Variants in IQGAP2 observed in about 807,000 individuals in gnomAD.
The protein encoded by IQGAP2 is IQ motif containing GTPase activating protein 2.
IQGAP2 carries 173 observed loss-of-function variants against 201.3 expected under a neutral mutation model. That is an observed-to-expected ratio of 0.86 (90% confidence interval 0.76 to 0.98). The LOEUF is 0.98. Among genes scored for constraint, IQGAP2 ranks in the 50% least tolerant of loss-of-function variants. The pLI, the probability that IQGAP2 is intolerant of heterozygous loss-of-function variation, is 0.00. For synonymous variants in IQGAP2, 675 were observed against 673.9 expected (o/e 1.00, Z -0.03); for missense variants, 1,687 against 1,864.8 (o/e 0.90, Z 1.76).
chr5:76,676,246 A>C (rs1744810598), intron 27 of IQGAP2, among the ~76,000 whole-genome samples: 1 of 152,238 alleles, frequency 6.6e-6, no homozygotes, highest in Non-Finnish European at 1.5e-5. Flanking sequence ...AGCCTCTTCT[A>C]AACTTGTCCT....
intron 9 of IQGAP2, among the ~76,000 whole-genome samples, chr5:76,593,568 A>G (rs190819015): frequency 1.2e-3 from 186 of 152,314 alleles, no homozygotes; most frequent in African/African-American, 4.1e-3. Flanking sequence ...GTTGAGATAC[A>G]TCAATTTTTT....
At chr5:76,647,231 A>G (rs888880365) in intron 17 of IQGAP2, among the ~76,000 whole-genome samples, 3 of 152,220 alleles carry the variant, frequency 2.0e-5, no homozygotes, top group African/African-American at 7.2e-5. Flanking sequence ...AGTGAAGAGA[A>G]AAAAGTCAGA....
At position 76,699,952 on chromosome 5, in the gene IQGAP2, G is replaced by GCT. The variant is rs1297162498; in HGVS notation, c.4368-1113_4368-1112dup. ...CTCTCTCTCTCTCTCTCACTCTCGT[G>GCT]CTCTCTCTCTCTATATATATATATA... is the stretch of plus-strand genomic sequence containing the variant. On this transcript the variant is annotated intron_variant, in intron 33 of 35. Transcript: ENST00000274364. Among the ~76,000 whole-genome samples, 7 of 59,998 alleles carry GCT rather than the reference G, an allele frequency of 1.2e-4. 2 individuals carry two copies. Among genetic ancestry groups the GCT allele is most frequent in the Admixed American group, 5.3e-4 (3 of 5,706 alleles). 39.4% of individuals were successfully genotyped at this position (59,998 alleles called of 152,430 possible).
chr5:76,671,688 GGAAA>G, intron 23 of IQGAP2, 67 bp from the exon 24 acceptor site: 1 of 989,412 alleles, frequency 1.0e-6, no homozygotes, highest in Non-Finnish European at 1.5e-6. Flanking sequence ...ACTGTCTCGG[GGAAA>G]AAAAAAAAAA....
At position 76,707,413 on chromosome 5, in the gene IQGAP2, A is replaced by ATAT; in HGVS notation, c.*100_*101insTAT. On this transcript the variant is annotated 3_prime_UTR_variant, in exon 36 of 36. Coordinates refer to ENST00000274364, the MANE Select transcript of IQGAP2 (RefSeq NM_006633.5). The stretch of plus-strand genomic sequence containing the variant: ...AACATGATTGAAATCACTGCTTATA[A>ATAT]ATGTGTGATTTTTTTAAAACGACCA... 1.5e-6 allele frequency: 1 copy of ATAT among 677,750 alleles called. No individual in the cohort carries two copies. Among genetic ancestry groups the ATAT allele is most frequent in the South Asian group, 1.7e-5 (1 of 60,508 alleles). 42.0% of individuals were successfully genotyped at this position (677,750 alleles called of 1,614,324 possible).
In IQGAP2 at chr5:76,606,262, GT is replaced by G; in HGVS notation, c.1317del (p.Cys439Ter). 6.2e-7 allele frequency: 1 copy of G among 1,604,320 alleles called. No individual in the cohort carries two copies. Among genetic ancestry groups the G allele is most frequent in the Non-Finnish European group, 8.5e-7 (1 of 1,174,602 alleles). ...DNLSWNEIQN[C>X]IDMVNAQIQE... ...TTAAGCTGGAATGAAATTCAGAATT[GT>G]ATTGATATGGTTAATGCTCAAATTC... On this transcript the variant is annotated frameshift_variant, in exon 12 of 36. Coordinates refer to ENST00000274364, the MANE Select transcript of IQGAP2 (RefSeq NM_006633.5). LOFTEE classifies it high-confidence loss of function.
intron 1 of IQGAP2, among the ~76,000 whole-genome samples, chr5:76,438,035 G>GTTTTTTTTTTTTTGTT (rs71604291): frequency 1.5e-5 from 1 of 68,602 alleles, no homozygotes; most frequent in Non-Finnish European, 2.7e-5. Context: ...TTTTTTGTTT[G>GTTTTTTTTTTTTTGTT]TTTTTTTTTT....
chr5:76,461,377 A>T (rs1754442979), intron 1 of IQGAP2, among the ~76,000 whole-genome samples, 193 bp from the exon 2 acceptor site: 2 of 150,868 alleles, frequency 1.3e-5, no homozygotes, highest in African/African-American at 2.5e-5. Flanking sequence ...CAAAAAAAAA[A>T]AAAATAAAAA....
intron 2 of IQGAP2, among the ~76,000 whole-genome samples, chr5:76,469,378 A>G (rs921132349): frequency 1.3e-5 from 2 of 152,142 alleles, no homozygotes; most frequent in South Asian, 4.2e-4. Context: ...TTACGTATAG[A>G]TGTTAAGACT....
chr5:76,694,744 G>C (rs1052430548), intron 31 of IQGAP2, among the ~76,000 whole-genome samples: 6 of 152,180 alleles, frequency 3.9e-5, no homozygotes, highest in African/African-American at 1.4e-4. Context: ...CTAACTAATA[G>C]TCGTTTCCTT....
chr5:76,489,106 G>A (rs1349038467), intron 2 of IQGAP2, among the ~76,000 whole-genome samples: 1 of 152,140 alleles, frequency 6.6e-6, no homozygotes, highest in Non-Finnish European at 1.5e-5. Context: ...GCTTGACACA[G>A]CCTTGTCTTC....
chr5:76,598,499 T>C (rs1347692641), intron 10 of IQGAP2, among the ~76,000 whole-genome samples: 3 of 152,114 alleles, frequency 2.0e-5, no homozygotes, highest in Admixed American at 6.5e-5. Flanking sequence ...GTAAAAAATA[T>C]ATAAATTAAA....
intron 2 of IQGAP2, among the ~76,000 whole-genome samples, chr5:76,531,903 C>T (rs1422817542): frequency 1.3e-5 from 2 of 152,168 alleles, no homozygotes; most frequent in Admixed American, 6.5e-5. Context: ...AAGATCAAGA[C>T]ATTGGTAGAT....
intron 15 of IQGAP2, 106 bp from the exon 16 acceptor site, chr5:76,636,928 A>G: frequency 2.2e-6 from 2 of 925,072 alleles, no homozygotes; most frequent in Non-Finnish European, 3.1e-6. Context: ...GGCTGTCTGA[A>G]GGTTTGGTGA....
At chr5:76,579,173 A>G (rs1433770872) in intron 5 of IQGAP2, among the ~76,000 whole-genome samples, 2 of 152,142 alleles carry the variant, frequency 1.3e-5, no homozygotes, top group African/African-American at 4.8e-5. Flanking sequence ...ATTCTGTAAG[A>G]CCCATACTAC....
chr5:76,449,066 A>T (rs564656348), intron 1 of IQGAP2, among the ~76,000 whole-genome samples: 1 of 152,060 alleles, frequency 6.6e-6, no homozygotes, highest in Non-Finnish European at 1.5e-5. Context: ...GTCTCCCTTC[A>T]CCTATTCTGG....
chr5:76,618,397 C>A (rs749467902), intron 13 of IQGAP2: 6 of 1,614,200 alleles, frequency 3.7e-6, no homozygotes, highest in South Asian at 1.1e-5. Context: ...ACTACAAACA[C>A]CAGGAGGTAG....
intron 1 of IQGAP2, among the ~76,000 whole-genome samples, chr5:76,407,527 C>T (rs1181294957): frequency 2.0e-5 from 3 of 152,198 alleles, no homozygotes; most frequent in Non-Finnish European, 2.9e-5. Flanking sequence ...GAAAGGTATA[C>T]GCAGCCTTAT....
intron 29 of IQGAP2, 135 bp from the exon 30 acceptor site, chr5:76,683,641 G>C: frequency 1.4e-6 from 1 of 689,914 alleles, no homozygotes; most frequent in Non-Finnish European, 2.3e-6. Context: ...ATAGTAGAAT[G>C]TGGGTTTTGT....
Sources: gnomAD v4.1 joint callset for allele counts (sites outside exome capture counted in the v4.1 genomes callset) on GRCh38, gnomAD v4.1.1 for gene constraint, MANE v1.5 for transcripts, NCBI Gene and HGNC (gene_info 2026-07-23, HGNC 2026-07-21) for gene names.